The following PIAS1 variants were observed in gnomAD, a reference collection of about 807,000 sequenced individuals.
PIAS1 encodes the protein protein inhibitor of activated STAT 1, also known as E3 SUMO-protein ligase PIAS1.
PIAS1 carries 6 observed loss-of-function variants against 71.3 expected under a neutral mutation model. The observed-to-expected ratio is 0.08, with a 90% CI of 0.05 to 0.17. The LOEUF (loss-of-function observed/expected upper bound fraction) is 0.17. Ranked by LOEUF, PIAS1 falls within the 10% of genes least tolerant of loss-of-function variation. PIAS1 has a pLI of 1.00. For synonymous variants in PIAS1, 303 were observed against 292.9 expected (o/e 1.03, Z -0.35); for missense variants, 555 against 793.6 (o/e 0.70, Z 3.61).
rs146114696 is a variant in PIAS1, at chr15:68,075,078, C to CTTT, written c.25-11204_25-11202dup. 6.1e-3 allele frequency among the ~76,000 whole-genome samples: 499 copies of CTTT among 81,690 alleles called. 1 individual carries two copies. The highest frequency in any genetic ancestry group is 7.8e-3 in the Non-Finnish European group (326 of 42,040). The allele number at this position is 81,690 out of a possible 152,430, so 53.6% of individuals were successfully genotyped here. ...ATAAAAACATTTTCTTTCTTTCTTTCTTTTTTTTTTTTTTTTTTTTTTTTT... is the reference window on the plus strand; with the variant it reads ...ATAAAAACATTTTCTTTCTTTCTTTCTTTTTTTTTTTTTTTTTTTTTTTTTTTT... On this transcript the variant is annotated intron_variant, in intron 1 of 13. Coordinates refer to ENST00000249636, the MANE Select transcript of PIAS1 (RefSeq NM_016166.3).
chr15:68,175,094 GT>G (rs1433109790), intron 9 of PIAS1, among the ~76,000 whole-genome samples: 1 of 152,052 alleles, frequency 6.6e-6, no homozygotes, highest in Non-Finnish European at 1.5e-5. Flanking sequence ...AATTGTGATT[GT>G]ACACTGTTAA....
chr15:68,165,950 A>AGAT (rs2092955162), intron 8 of PIAS1, among the ~76,000 whole-genome samples: 3 of 152,178 alleles, frequency 2.0e-5, no homozygotes, highest in Admixed American at 1.3e-4. Flanking sequence ...TATTAATCTC[A>AGAT]GATGATGATG....
chr15:68,160,214 A>G (rs939470234), intron 7 of PIAS1, among the ~76,000 whole-genome samples: 1 of 151,944 alleles, frequency 6.6e-6, no homozygotes, highest in Non-Finnish European at 1.5e-5. Context: ...ACTCTCTTCT[A>G]TTTTTCTTCT....
intron 1 of PIAS1, among the ~76,000 whole-genome samples, chr15:68,075,735 T>C (rs2092156070): frequency 1.3e-5 from 2 of 152,096 alleles, no homozygotes; most frequent in Non-Finnish European, 2.9e-5. Flanking sequence ...ACCTATTTTT[T>C]TCTTTTTAAT....
intron 2 of PIAS1, among the ~76,000 whole-genome samples, chr15:68,118,551 A>AAGCACC (rs200909876): frequency 0.02 from 3,096 of 152,150 alleles, 95 homozygotes; most frequent in African/African-American, 0.068. Flanking sequence ...TATGTTCTGC[A>AAGCACC]AGCTGGTCTC....
At chr15:68,078,904 G>C (rs1159762942) in intron 1 of PIAS1, among the ~76,000 whole-genome samples, 1 of 152,136 alleles carries the variant, frequency 6.6e-6, no homozygotes, top group Non-Finnish European at 1.5e-5. Flanking sequence ...TTTTAATATA[G>C]AAAGATTTCA....
At chr15:68,107,924 A>C (rs2092486620) in intron 2 of PIAS1, among the ~76,000 whole-genome samples, 1 of 152,224 alleles carries the variant, frequency 6.6e-6, no homozygotes, top group Non-Finnish European at 1.5e-5. Flanking sequence ...GAGTATAGCC[A>C]GAAACTATTA....
chr15:68,108,882 G>A (rs2092497187), intron 2 of PIAS1, among the ~76,000 whole-genome samples: 1 of 152,042 alleles, frequency 6.6e-6, no homozygotes. Context: ...ATGCTTATCT[G>A]AGCCACCATT....
At chr15:68,087,251 C>T (rs903531035) in intron 2 of PIAS1, among the ~76,000 whole-genome samples, 8 of 152,000 alleles carry the variant, frequency 5.3e-5, no homozygotes, top group Non-Finnish European at 1.2e-4. Context: ...GCATGCTTTA[C>T]AGGCATGCAC....
At chr15:68,060,206 G>C (rs1277876842) in intron 1 of PIAS1, among the ~76,000 whole-genome samples, 1 of 152,090 alleles carries the variant, frequency 6.6e-6, no homozygotes, top group Admixed American at 6.5e-5. Context: ...TTATATCACA[G>C]TGACCACATA....
At chr15:68,154,955 T>A (rs1403762630) in intron 7 of PIAS1, among the ~76,000 whole-genome samples, 1 of 152,230 alleles carries the variant, frequency 6.6e-6, no homozygotes, top group African/African-American at 2.4e-5. Flanking sequence ...CTACTGAGAA[T>A]CTTCGTATTT....
intron 2 of PIAS1, among the ~76,000 whole-genome samples, chr15:68,121,516 C>T (rs953194886): frequency 6.6e-6 from 1 of 151,934 alleles, no homozygotes; most frequent in Non-Finnish European, 1.5e-5. Flanking sequence ...TGCCTCAGCA[C>T]TCCTATTTCT....
At chr15:68,080,632 A>T (rs1321605122) in intron 1 of PIAS1, among the ~76,000 whole-genome samples, 1 of 152,256 alleles carries the variant, frequency 6.6e-6, no homozygotes, top group Non-Finnish European at 1.5e-5. Context: ...ATCCAAAAGT[A>T]AGCCCCATTG....
intron 2 of PIAS1, among the ~76,000 whole-genome samples, chr15:68,107,021 A>G (rs1394915692): frequency 1.3e-5 from 2 of 152,160 alleles, no homozygotes; most frequent in Non-Finnish European, 2.9e-5. Context: ...GACCCTTTGT[A>G]CTTCCTAGAG....
chr15:68,054,511 C>G lies in PIAS1; in HGVS notation c.24+161C>G. ...GCGCCCGGTCTCAGCAGAGGGGGCC[C>G]GCCTGCGGCGGGCCGCGGGCCCCGG... On this transcript the variant is annotated intron_variant, in intron 1 of 13. Coordinates refer to ENST00000249636, the MANE Select transcript of PIAS1 (RefSeq NM_016166.3). The surrounding 1 kb of genome is among the most constrained non-coding windows in gnomAD (Gnocchi z 4.6). The G allele has an allele frequency of 1.6e-6, 1 of 610,412 alleles. No homozygotes were observed. Among genetic ancestry groups the G allele is most frequent in the Non-Finnish European group, 2.6e-6 (1 of 384,392 alleles). The allele number at this position is 610,412 out of a possible 1,614,324, so 37.8% of individuals were successfully genotyped here. A position where few individuals can be genotyped will look rare whatever the true frequency, so the allele number is the denominator to read the frequency against.
At chr15:68,060,962 G>A (rs1358120639) in intron 1 of PIAS1, among the ~76,000 whole-genome samples, 2 of 152,232 alleles carry the variant, frequency 1.3e-5, no homozygotes, top group African/African-American at 2.4e-5. Flanking sequence ...GATTGTAGGC[G>A]TGAGCCACCG....
intron 2 of PIAS1, among the ~76,000 whole-genome samples, chr15:68,107,749 T>A (rs1043492902): frequency 6.6e-6 from 1 of 151,968 alleles, no homozygotes; most frequent in Non-Finnish European, 1.5e-5. Flanking sequence ...AAAAAGCTGA[T>A]GGTAAATACT....
In PIAS1 at chr15:68,138,064, T is replaced by C. The variant is rs142437812; in HGVS notation, c.470-3882T>C. Among the ~76,000 whole-genome samples, 1,064 of 152,220 alleles carry C rather than the reference T, an allele frequency of 7.0e-3. 4 individuals are homozygous for C. The highest frequency in any genetic ancestry group is 0.027 in the Middle Eastern group (8 of 294). On this transcript the variant is annotated intron_variant, in intron 2 of 13. Coordinates refer to ENST00000249636, the MANE Select transcript of PIAS1 (RefSeq NM_016166.3). ...ACTGTAGAGACTGAGGCAGGAGGAT[T>C]GCTTGAGCACAGGAGTTTGAGGCTG...
chr15:68,055,606 G>T (rs2091887145), intron 1 of PIAS1, among the ~76,000 whole-genome samples: 1 of 152,128 alleles, frequency 6.6e-6, no homozygotes, highest in South Asian at 2.1e-4. Flanking sequence ...TCGAGGCTCT[G>T]AACGCGATCT....
Sources: allele counts gnomAD v4.1 joint callset (sites outside exome capture counted in the v4.1 genomes callset), GRCh38; gene constraint gnomAD v4.1.1; non-coding constraint Gnocchi (gnomAD v3.1); transcripts MANE v1.5; gene names NCBI Gene and HGNC (gene_info 2026-07-23, HGNC 2026-07-21).